Variants in KIF26B observed in about 807,000 individuals in gnomAD.
The protein encoded by KIF26B is kinesin family member 26B, also known as kinesin-like protein KIF26B.
Under a neutral mutation model 151.2 loss-of-function variants are expected in KIF26B, and 63 were observed. The ratio of observed to expected loss-of-function variants is 0.42; its 90% CI spans 0.34 to 0.51. The LOEUF (loss-of-function observed/expected upper bound fraction) is 0.51, where lower values mean the gene tolerates loss of function less well. KIF26B is among the 20% of genes least tolerant of loss of function. The pLI is 0.07. For missense variants in KIF26B, 2,813 were observed against 2,913.6 expected, an observed-to-expected ratio of 0.97 and a Z score of 0.79; for synonymous variants, 1,357 against 1,262.1, an observed-to-expected ratio of 1.08 and a Z score of -1.59.
intron 2 of KIF26B, among the ~76,000 whole-genome samples, chr1:245,219,056 G>A (rs74153163): frequency 0.013 from 1,910 of 150,042 alleles, 38 homozygotes; most frequent in African/African-American, 0.043. Flanking sequence ...TTCTGACCGT[G>A]GGTTACTTCT....
At chr1:245,541,423 T>A (rs1003153630) in intron 5 of KIF26B, among the ~76,000 whole-genome samples, 16 of 152,344 alleles carry the variant, frequency 1.1e-4, no homozygotes, top group Non-Finnish European at 2.2e-4. Flanking sequence ...CAGTCTTGCC[T>A]TTCTAGCCAA....
At chr1:245,359,617 C>A (rs1267787989) in intron 2 of KIF26B, among the ~76,000 whole-genome samples, 1 of 151,000 alleles carries the variant, frequency 6.6e-6, no homozygotes, top group Non-Finnish European at 1.5e-5. Flanking sequence ...CTCCAGGAAC[C>A]CAGTATTATT....
At chr1:245,420,909 T>C (rs1377712898) in intron 4 of KIF26B, among the ~76,000 whole-genome samples, 2 of 152,174 alleles carry the variant, frequency 1.3e-5, no homozygotes, top group African/African-American at 4.8e-5. Flanking sequence ...GCTAAGACCC[T>C]GGATGATGGG....
rs376934424 is a variant in KIF26B, at chr1:245,431,824, C to A, written c.1166+12079C>A. 3.8e-4 allele frequency among the ~76,000 whole-genome samples: 58 copies of A among 152,282 alleles called. No homozygotes were observed. In the East Asian group the frequency reaches 0.01, roughly 27 times the overall value. ...CTAATTTTGTTAGTTACTAAAATAT[C>A]GCTTTCAGTCTCATGCAGTAAAAGC... is the stretch of plus-strand genomic sequence containing the variant. On this transcript the variant is annotated intron_variant, in intron 4 of 14. Coordinates refer to ENST00000407071, the MANE Select transcript of KIF26B (RefSeq NM_018012.4).
At chr1:245,317,358 C>T (rs955218969) in intron 2 of KIF26B, among the ~76,000 whole-genome samples, 1 of 152,078 alleles carries the variant, frequency 6.6e-6, no homozygotes, top group African/African-American at 2.4e-5. Context: ...TGAGCTTTCA[C>T]GGGGTTGTTG....
chr1:245,603,993 A>G lies in KIF26B; in HGVS notation c.1557+1210A>G, dbSNP rs78991224. 4.1e-3 allele frequency among the ~76,000 whole-genome samples: 619 copies of G among 152,336 alleles called. 9 individuals are homozygous for G. The highest frequency in any genetic ancestry group is 0.014 in the African/African-American group (593 of 41,578). On this transcript the variant is annotated intron_variant, in intron 6 of 14. Coordinates refer to ENST00000407071, the MANE Select transcript of KIF26B (RefSeq NM_018012.4). ...AGATGCTGCAACTAAAGCTGCTAGT[A>G]GATATCTGTTCTCCTTTGGATTCAC...
At position 245,495,629 on chromosome 1, in the gene KIF26B, A is replaced by G. The variant is rs551159630; in HGVS notation, c.1167-45138A>G. Among the ~76,000 whole-genome samples the G allele has an allele frequency of 1.6e-4, 24 of 152,324 alleles. 2 individuals carry two copies. The South Asian group carries it at 5.0e-3, about 32-fold the overall frequency. On this transcript the variant is annotated intron_variant, in intron 4 of 14. Transcript: ENST00000407071. This position sits in a 1 kb window ranked among gnomAD's most constrained non-coding sequence, Gnocchi z 4.2. ...TAATTTGGTCTATAGTTTGGTATCC[A>G]TTAATGAACCTCTCCCCATCCACCT...
At chr1:245,596,409 A>T (rs1349937585) in intron 5 of KIF26B, among the ~76,000 whole-genome samples, 2 of 152,042 alleles carry the variant, frequency 1.3e-5, no homozygotes, top group Admixed American at 1.3e-4. Context: ...CCTTCATTTC[A>T]TTATTTACCC....
intron 2 of KIF26B, among the ~76,000 whole-genome samples, chr1:245,312,976 C>A (rs1292084578): frequency 6.6e-6 from 1 of 151,860 alleles, no homozygotes; most frequent in African/African-American, 2.4e-5. Context: ...CCTGGCCAAC[C>A]TGGTGAGACC....
intron 3 of KIF26B, among the ~76,000 whole-genome samples, chr1:245,390,308 C>T (rs977194113): frequency 2.0e-5 from 3 of 151,988 alleles, no homozygotes; most frequent in South Asian, 2.1e-4. Flanking sequence ...ACCTCCGCCT[C>T]CCGGGTTCAA....
chr1:245,186,498 C>T (rs994426868), intron 2 of KIF26B, among the ~76,000 whole-genome samples: 1 of 152,274 alleles, frequency 6.6e-6, no homozygotes, highest in Admixed American at 6.5e-5. Context: ...AAAGGCAGCC[C>T]AGTGAATTCT....
intron 9 of KIF26B, among the ~76,000 whole-genome samples, chr1:245,614,385 G>A (rs534833005): frequency 1.3e-5 from 2 of 152,312 alleles, no homozygotes; most frequent in South Asian, 2.1e-4. Flanking sequence ...ATATTGGCCA[G>A]GATGGTCTTG....
chr1:245,236,729 A>G (rs1288663332), intron 2 of KIF26B, among the ~76,000 whole-genome samples: 3 of 152,206 alleles, frequency 2.0e-5, no homozygotes, highest in Non-Finnish European at 4.4e-5. Context: ...AAAATACATG[A>G]TGCGGAATCT....
At chr1:245,519,216 A>G (rs1572102405) in intron 4 of KIF26B, among the ~76,000 whole-genome samples, 1 of 152,290 alleles carries the variant, frequency 6.6e-6, no homozygotes, top group East Asian at 1.9e-4. Flanking sequence ...TGTTTTAGTT[A>G]AGAAGTTTGA....
At chr1:245,327,815 T>C (rs899867875) in intron 2 of KIF26B, among the ~76,000 whole-genome samples, 2 of 152,198 alleles carry the variant, frequency 1.3e-5, no homozygotes, top group African/African-American at 4.8e-5. Flanking sequence ...CTTAAGACAT[T>C]AGATCAATGG....
intron 2 of KIF26B, among the ~76,000 whole-genome samples, chr1:245,298,169 G>A (rs774055613): frequency 6.6e-6 from 1 of 152,192 alleles, no homozygotes; most frequent in Non-Finnish European, 1.5e-5. Flanking sequence ...TGACAGGCAT[G>A]AGCCACCGCG....
chr1:245,561,377 C>T (rs1186514650), intron 5 of KIF26B, among the ~76,000 whole-genome samples: 4 of 152,124 alleles, frequency 2.6e-5, no homozygotes, highest in Non-Finnish European at 1.5e-5. Flanking sequence ...GAAATGAGAA[C>T]GGCAGTCATC....
intron 4 of KIF26B, among the ~76,000 whole-genome samples, chr1:245,504,522 C>T (rs1347384428): frequency 2.0e-5 from 3 of 151,830 alleles, no homozygotes; most frequent in Non-Finnish European, 4.4e-5. Flanking sequence ...AAACACTGCT[C>T]ACTGCAGTCT....
intron 2 of KIF26B, among the ~76,000 whole-genome samples, chr1:245,247,213 G>C (rs892294905): frequency 2.0e-5 from 3 of 151,808 alleles, no homozygotes; most frequent in African/African-American, 4.8e-5. Flanking sequence ...CACTTTGGGA[G>C]GCCAAGGCCG....
Sources: gnomAD v4.1 joint callset for allele counts (sites outside exome capture counted in the v4.1 genomes callset) on GRCh38, gnomAD v4.1.1 for gene constraint, Gnocchi (gnomAD v3.1) non-coding constraint, MANE v1.5 for transcripts, NCBI Gene and HGNC (gene_info 2026-07-23, HGNC 2026-07-21) for gene names.